The following RIC8B variants were observed in gnomAD, a reference collection of about 807,000 sequenced individuals.
The protein encoded by RIC8B is RIC8 guanine nucleotide exchange factor B.
RIC8B carries 16 observed loss-of-function variants against 57.5 expected under a neutral mutation model. That is an observed-to-expected ratio of 0.28 (90% confidence interval 0.19 to 0.42). The LOEUF (loss-of-function observed/expected upper bound fraction) is 0.42, where lower values mean the gene tolerates loss of function less well. Ranked by LOEUF, RIC8B falls within the 10% of genes least tolerant of loss-of-function variation. The probability of loss-of-function intolerance (pLI) is 1.00; values close to 1 mark genes in which losing one functional copy is unlikely to be tolerated. For missense variants in RIC8B, 481 were observed against 677.0 expected, an observed-to-expected ratio of 0.71 and a Z score of 3.21; for synonymous variants, 216 against 250.8, an observed-to-expected ratio of 0.86 and a Z score of 1.31.
At chr12:106,845,327 G>GGTT (rs1566125491) in intron 6 of RIC8B, among the ~76,000 whole-genome samples, 1 of 114,260 alleles carries the variant, frequency 8.8e-6, no homozygotes, top group African/African-American at 3.7e-5. Flanking sequence ...CTATTTCACA[G>GGTT]CTTTTCTTCA....
chr12:106,876,333 G>C (rs138214325), intron 9 of RIC8B, among the ~76,000 whole-genome samples: 6 of 152,066 alleles, frequency 3.9e-5, no homozygotes, highest in African/African-American at 1.4e-4. Context: ...TAATATTTTT[G>C]ATACACTGGG....
At chr12:106,780,595 G>A (rs2043720881) in intron 1 of RIC8B, among the ~76,000 whole-genome samples, 1 of 152,230 alleles carries the variant, frequency 6.6e-6, no homozygotes, top group Admixed American at 6.5e-5. Flanking sequence ...TTCTTGCAGA[G>A]AAGCATGTTT....
At chr12:106,855,468 C>T (rs1210456545) in intron 7 of RIC8B, among the ~76,000 whole-genome samples, 3 of 152,180 alleles carry the variant, frequency 2.0e-5, no homozygotes, top group African/African-American at 7.2e-5. Flanking sequence ...TCAGGCTTTC[C>T]ATAACCATTC....
At chr12:106,788,051 A>G (rs184399770) in intron 2 of RIC8B, among the ~76,000 whole-genome samples, 1 of 152,188 alleles carries the variant, frequency 6.6e-6, no homozygotes, top group Non-Finnish European at 1.5e-5. Context: ...TCCTAGATAC[A>G]GTGGGGGTAC....
intron 2 of RIC8B, among the ~76,000 whole-genome samples, chr12:106,787,905 A>G (rs1448716519): frequency 1.3e-5 from 2 of 152,150 alleles, no homozygotes; most frequent in Non-Finnish European, 2.9e-5. Context: ...AAAACCAATT[A>G]TGCCTTTCCA....
chr12:106,833,561 A>G (rs1034541587), intron 4 of RIC8B, among the ~76,000 whole-genome samples: 7 of 152,168 alleles, frequency 4.6e-5, no homozygotes, highest in East Asian at 3.8e-4. Context: ...AGATTGTGCC[A>G]CTGCACTCCA....
At chr12:106,785,820 T>G (rs1442029707) in intron 2 of RIC8B, among the ~76,000 whole-genome samples, 5 of 103,828 alleles carry the variant, frequency 4.8e-5, no homozygotes, top group African/African-American at 1.8e-4. Context: ...TCTCTGTGTG[T>G]GTGTGTGTGT....
At chr12:106,853,450 AGTC>A (rs1443321583) in intron 7 of RIC8B, among the ~76,000 whole-genome samples, 1 of 69,492 alleles carries the variant, frequency 1.4e-5, no homozygotes, top group Non-Finnish European at 2.8e-5. Context: ...TCTGCTTTAT[AGTC>A]TTTTTTTTTT....
intron 3 of RIC8B, among the ~76,000 whole-genome samples, chr12:106,820,277 C>T (rs1215614129): frequency 4.6e-5 from 7 of 152,116 alleles, no homozygotes; most frequent in South Asian, 2.1e-4. Context: ...GTGTTAAATT[C>T]GTGCCTGCCT....
chr12:106,871,063 GC>G, intron 9 of RIC8B, 121 bp downstream of exon 9: 1 of 958,624 alleles, frequency 1.0e-6, no homozygotes, highest in Non-Finnish European at 1.5e-6. Context: ...GAATAGGGTG[GC>G]CCAGGCAGCA....
chr12:106,816,404 GCTGTTCTAGATGA>G (rs1422384892), intron 3 of RIC8B, among the ~76,000 whole-genome samples: 4 of 152,292 alleles, frequency 2.6e-5, no homozygotes, highest in Non-Finnish European at 5.9e-5. Flanking sequence ...AGCTCTAACA[GCTGTTCTAGATGA>G]CTGTAGTATG....
intron 4 of RIC8B, among the ~76,000 whole-genome samples, chr12:106,841,765 A>G (rs1399810810): frequency 6.6e-6 from 1 of 152,212 alleles, no homozygotes; most frequent in African/African-American, 2.4e-5. Context: ...ATGAAAGAAT[A>G]TGAAATAACT....
chr12:106,880,664 A>T (rs1950882036), intron 9 of RIC8B, among the ~76,000 whole-genome samples: 1 of 152,170 alleles, frequency 6.6e-6, no homozygotes, highest in Admixed American at 6.5e-5. Context: ...ATATTAATTC[A>T]TCAGGAAAAT....
In RIC8B at chr12:106,798,064, G is replaced by A. The variant is rs1055604366; in HGVS notation, c.132+14020G>A. 5 of 716,964 alleles carry A rather than the reference G, an allele frequency of 7.0e-6. No homozygotes were observed. In the Admixed American group the frequency reaches 1.0e-4, roughly 14 times the overall value. The allele number at this position is 716,964 out of a possible 1,614,324, so 44.4% of individuals were successfully genotyped here. A position where few individuals can be genotyped will look rare whatever the true frequency, so the allele number is the denominator to read the frequency against. ...TGACAGAAAACAGAAGATCATGCTTGCCAGTGTAAGTGACTGAATAAAATA... is the reference window on the plus strand; with the variant it reads ...TGACAGAAAACAGAAGATCATGCTTACCAGTGTAAGTGACTGAATAAAATA... On this transcript the variant is annotated intron_variant, in intron 2 of 9. Transcript: ENST00000392837.
intron 4 of RIC8B, among the ~76,000 whole-genome samples, chr12:106,829,821 C>T (rs2046276912): frequency 6.6e-6 from 1 of 152,186 alleles, no homozygotes; most frequent in Non-Finnish European, 1.5e-5. Flanking sequence ...TAAATCTTGT[C>T]ATGGCTCCTC....
At chr12:106,791,097 T>C (rs1159048537) in intron 2 of RIC8B, among the ~76,000 whole-genome samples, 1 of 152,238 alleles carries the variant, frequency 6.6e-6, no homozygotes, top group Non-Finnish European at 1.5e-5. Context: ...TTGTGTTCTA[T>C]ATTATTTTAG....
chr12:106,798,967 CACTA>C (rs1483787191), intron 2 of RIC8B, among the ~76,000 whole-genome samples: 1 of 152,182 alleles, frequency 6.6e-6, no homozygotes, highest in Non-Finnish European at 1.5e-5. Flanking sequence ...TTTTATATCT[CACTA>C]ACTCAAAATA....
Position 106,886,168 on chromosome 12 carries a change from G to A in RIC8B, c.*153G>A, listed in dbSNP as rs2136695880. 3.3e-6 allele frequency: 2 copies of A among 610,730 alleles called. No homozygotes were observed. The highest frequency in any genetic ancestry group is 4.3e-5 in the South Asian group (2 of 46,830). 37.8% of individuals were successfully genotyped at this position (610,730 alleles called of 1,614,324 possible). ...TGAGAATCCAGCATATTTAAGAGGTGACCCTGTGTTTTTTGTGATATTGAG... is the reference window on the plus strand; with the variant it reads ...TGAGAATCCAGCATATTTAAGAGGTAACCCTGTGTTTTTTGTGATATTGAG... On this transcript the variant is annotated 3_prime_UTR_variant, in exon 10 of 10. Coordinates refer to ENST00000392837, the MANE Select transcript of RIC8B (RefSeq NM_001330145.2).
intron 1 of RIC8B, among the ~76,000 whole-genome samples, chr12:106,783,429 C>G (rs1176328099): frequency 2.6e-5 from 4 of 152,138 alleles, no homozygotes; most frequent in African/African-American, 9.7e-5. Context: ...AAATATCAAA[C>G]CATCAAGTCT....
Sources: allele counts gnomAD v4.1 joint callset (sites outside exome capture counted in the v4.1 genomes callset), GRCh38; gene constraint gnomAD v4.1.1; transcripts MANE v1.5; gene names NCBI Gene and HGNC (gene_info 2026-07-23, HGNC 2026-07-21).